RAD17: variants seen among roughly 807,000 people sequenced by gnomAD.
RAD17 encodes cell cycle checkpoint protein RAD17.
In RAD17, 31 loss-of-function variants were observed where a neutral mutation model predicts 81.5. That is an observed-to-expected ratio of 0.38 (90% CI 0.29 to 0.51). The LOEUF is 0.51. Among genes scored for constraint, RAD17 ranks in the 20% least tolerant of loss-of-function variants. The probability of loss-of-function intolerance (pLI) is 0.88; values close to 1 mark genes in which losing one functional copy is unlikely to be tolerated. For missense variants in RAD17, 681 were observed against 781.2 expected, an observed-to-expected ratio of 0.87 and a Z score of 1.53; for synonymous variants, 261 against 266.2, an observed-to-expected ratio of 0.98 and a Z score of 0.19.
At chr5:69,377,682 T>C (rs796127223) in intron 6 of RAD17, among the ~76,000 whole-genome samples, 4 of 45,764 alleles carry the variant, frequency 8.7e-5, no homozygotes, top group African/African-American at 1.8e-4. Flanking sequence ...TATATGCATA[T>C]ATATATATGT....
At chr5:69,392,099 TG>T (rs1176285940) in intron 13 of RAD17, 86 bp downstream of exon 13, 4 of 1,216,314 alleles carry the variant, frequency 3.3e-6, no homozygotes, top group East Asian at 5.3e-5. Flanking sequence ...AAAAATGTCA[TG>T]TATTTTGGTT....
chr5:69,410,619 C>A, intron 18 of RAD17, 69 bp downstream of exon 18: 2 of 1,354,120 alleles, frequency 1.5e-6, no homozygotes, highest in South Asian at 1.2e-5. Flanking sequence ...CAGTATGAAT[C>A]AATAACTGTT....
intron 17 of RAD17, among the ~76,000 whole-genome samples, chr5:69,407,550 A>G (rs1580442511): frequency 8.2e-6 from 1 of 121,682 alleles, no homozygotes; most frequent in African/African-American, 2.9e-5. Context: ...CTATATGTCA[A>G]TCTATGTCCA....
At chr5:69,408,143 CCTTTTT>C (rs2150884495) in intron 17 of RAD17, among the ~76,000 whole-genome samples, 1 of 151,632 alleles carries the variant, frequency 6.6e-6, no homozygotes, top group African/African-American at 2.4e-5. Context: ...CTTTTACCCA[CCTTTTT>C]CTTGTGTGTA....
chr5:69,369,325 G>A (rs1580334993), upstream of RAD17: 4 of 823,652 alleles, frequency 4.9e-6, no homozygotes, highest in East Asian at 1.2e-4. Context: ...GGCTCCCGGG[G>A]CGCTGACAAC....
At chr5:69,393,568 C>G (rs1428230798) in intron 15 of RAD17, 68 bp downstream of exon 15, 1 of 1,407,726 alleles carries the variant, frequency 7.1e-7, no homozygotes, top group Non-Finnish European at 9.7e-7. Context: ...AGAAAGTTTA[C>G]TTTTATCCCT....
chr5:69,413,925 A>G, intron 18 of RAD17, 106 bp from the exon 19 acceptor site: 1 of 1,367,690 alleles, frequency 7.3e-7, no homozygotes. Flanking sequence ...GCTAAACAGC[A>G]CAATGTAGGT....
At chr5:69,410,407 A>G in intron 17 of RAD17, 86 bp from the exon 18 acceptor site, 1 of 986,120 alleles carries the variant, frequency 1.0e-6, no homozygotes, top group Non-Finnish European at 1.6e-6. Context: ...AAGATTAGTG[A>G]TGTTCAGCAT....
Position 69,414,361 on chromosome 5 carries a change from G to A in RAD17, c.*69G>A. ...TGTTTCATTCAGTGGTACTTCAGCA[G>A]AGTTAATATGCTTTTCTGATGAATT... On this transcript the variant is annotated 3_prime_UTR_variant, in exon 19 of 19. Transcript: ENST00000354868. 1 of 1,479,950 alleles carries A rather than the reference G, an allele frequency of 6.8e-7. No homozygotes were observed. Among genetic ancestry groups the A allele is most frequent in the South Asian group, 1.2e-5 (1 of 83,004 alleles). 91.7% of individuals were successfully genotyped at this position (1,479,950 alleles called of 1,614,324 possible). A position where few individuals can be genotyped will look rare whatever the true frequency, so the allele number is the denominator to read the frequency against.
chr5:69,393,377 G>A lies in RAD17; in HGVS notation c.1299G>A (p.Met433Ile). 4 of 1,598,538 alleles carry A rather than the reference G, an allele frequency of 2.5e-6. No homozygotes were observed. Among genetic ancestry groups the A allele is most frequent in the Non-Finnish European group, 3.4e-6 (4 of 1,171,736 alleles). Residue 433 changes from methionine (M) to isoleucine (I), a missense_variant, in exon 15 of 19, where the codon ATG becomes ATA. Coordinates refer to ENST00000354868, the MANE Select transcript of RAD17 (RefSeq NM_133338.3). Reference protein sequence around the residue: ...EPEEVVEMSHMPGDLFNLYLH... With the variant: ...EPEEVVEMSHIPGDLFNLYLH... ...AGGAGGTAGTAGAAATGTCACACAT[G>A]CCTGGAGACTTATTTAATTTATATC...
At chr5:69,372,615 C>T (rs1763075248) in intron 4 of RAD17, among the ~76,000 whole-genome samples, 1 of 151,746 alleles carries the variant, frequency 6.6e-6, no homozygotes, top group Non-Finnish European at 1.5e-5. Context: ...TAATTATTAG[C>T]AAAATTTTTT....
chr5:69,390,694 C>T (rs916026423), intron 12 of RAD17, among the ~76,000 whole-genome samples: 14 of 151,908 alleles, frequency 9.2e-5, no homozygotes, highest in Admixed American at 3.3e-4. Flanking sequence ...GTGGCTCTCG[C>T]CTGTTATCCC....
At chr5:69,369,629 G>A, upstream of RAD17, 1 of 1,568,568 alleles carries the variant, frequency 6.4e-7, no homozygotes. Context: ...AGCCTGCCCC[G>A]GCGGCCCAGC....
intron 16 of RAD17, among the ~76,000 whole-genome samples, chr5:69,398,514 A>G (rs1765041549): frequency 6.6e-6 from 1 of 152,154 alleles, no homozygotes; most frequent in African/African-American, 2.4e-5. Context: ...TAAAAGTCAG[A>G]TATGAATTTC....
chr5:69,385,190 G>C (rs1166764402), intron 8 of RAD17, among the ~76,000 whole-genome samples: 1 of 151,104 alleles, frequency 6.6e-6, no homozygotes, highest in East Asian at 1.9e-4. Flanking sequence ...TCGATCTCCT[G>C]ACCTCATGAT....
At chr5:69,403,406 T>TA (rs1184205160) in intron 17 of RAD17, among the ~76,000 whole-genome samples, 1 of 151,994 alleles carries the variant, frequency 6.6e-6, no homozygotes, top group Non-Finnish European at 1.5e-5. Flanking sequence ...GAAGTGATCT[T>TA]AAAAAAAATT....
chr5:69,410,423 C>A, intron 17 of RAD17, 70 bp from the exon 18 acceptor site: 1 of 1,215,924 alleles, frequency 8.2e-7, no homozygotes, highest in Non-Finnish European at 1.2e-6. Context: ...AGCATCTTTT[C>A]AGGTGCTTAT....
At chr5:69,400,000 T>G in intron 16 of RAD17, 49 bp from the exon 17 acceptor site, 1 of 1,322,260 alleles carries the variant, frequency 7.6e-7, no homozygotes, top group Non-Finnish European at 1.0e-6. Flanking sequence ...GGAATACATA[T>G]TTTTAATTTC....
Position 69,388,973 on chromosome 5 carries a change from T to C in RAD17, c.895-61T>C, listed in dbSNP as rs1206643339. The C allele has an allele frequency of 3.5e-6, 3 of 862,254 alleles. No homozygotes were observed. In the East Asian group the frequency reaches 9.2e-5, roughly 26 times the overall value. 53.4% of individuals were successfully genotyped at this position (862,254 alleles called of 1,614,324 possible). A position where few individuals can be genotyped will look rare whatever the true frequency, so the allele number is the denominator to read the frequency against. Reference sequence around the variant, plus strand: ...ATTAAGTTTAGAAAATAGGTTGGGGTTTTTTGTTGTTGTTATTTTTAAGAA... The same window carrying C: ...ATTAAGTTTAGAAAATAGGTTGGGGCTTTTTGTTGTTGTTATTTTTAAGAA... On this transcript the variant is annotated intron_variant, in intron 11 of 18. Transcript: ENST00000354868.
Sources: gnomAD v4.1 joint callset for allele counts (sites outside exome capture counted in the v4.1 genomes callset) on GRCh38, gnomAD v4.1.1 for gene constraint, MANE v1.5 for transcripts, NCBI Gene and HGNC (gene_info 2026-07-23, HGNC 2026-07-21) for gene names.